The following ANKS1A variants were observed in gnomAD, a reference collection of about 807,000 sequenced individuals.
ANKS1A encodes the protein ankyrin repeat and sterile alpha motif domain containing 1A, also known as ankyrin repeat and SAM domain-containing protein 1A.
In ANKS1A, 55 loss-of-function variants were observed where a neutral mutation model predicts 120.3. That is an observed-to-expected ratio of 0.46 (90% CI 0.37 to 0.57). ANKS1A has a LOEUF of 0.57. Ranked by LOEUF, ANKS1A falls within the 20% of genes least tolerant of loss-of-function variation. ANKS1A has a pLI of 0.00. For missense variants in ANKS1A, 1,123 were observed against 1,480.3 expected, an observed-to-expected ratio of 0.76 and a Z score of 3.96; for synonymous variants, 590 against 604.7, an observed-to-expected ratio of 0.98 and a Z score of 0.36.
chr6:34,930,332 C>T (rs990603645), intron 1 of ANKS1A, among the ~76,000 whole-genome samples: 1 of 152,128 alleles, frequency 6.6e-6, no homozygotes, highest in Non-Finnish European at 1.5e-5. Context: ...GTAGATGAAG[C>T]ACAGAAAGAT....
Position 35,044,211 on chromosome 6 carries a change from C to T in ANKS1A, c.2011-9888C>T, listed in dbSNP as rs1028144640. 6.6e-6 allele frequency among the ~76,000 whole-genome samples: 1 copy of T among 152,166 alleles called. No individual in the cohort carries two copies. Among genetic ancestry groups the T allele is most frequent in the Non-Finnish European group, 1.5e-5 (1 of 68,026 alleles). ...CCTGCCCAGTGTGGACATAGCCGTC[C>T]GCTGGCATCACTTACTGAGGGACAG... is the stretch of plus-strand genomic sequence containing the variant. On this transcript the variant is annotated intron_variant, in intron 11 of 23. Transcript: ENST00000360359. This position sits in a 1 kb window ranked among gnomAD's most constrained non-coding sequence, Gnocchi z 4.4.
chr6:34,988,584 A>T (rs1772338975), intron 8 of ANKS1A, among the ~76,000 whole-genome samples: 1 of 152,240 alleles, frequency 6.6e-6, no homozygotes, highest in Admixed American at 6.5e-5. Flanking sequence ...CGACAGAGTG[A>T]GACTCTGCCT....
At chr6:34,926,329 G>A (rs1268257201) in intron 1 of ANKS1A, among the ~76,000 whole-genome samples, 1 of 152,138 alleles carries the variant, frequency 6.6e-6, no homozygotes, top group Non-Finnish European at 1.5e-5. Context: ...AAATTTTCCT[G>A]TGGTAGCTGA....
Position 34,970,065 on chromosome 6 carries a change from A to G in ANKS1A, c.334A>G (p.Lys112Glu). Residue 112 changes from lysine to glutamate, a missense_variant, in exon 3 of 24, where the codon AAA becomes GAA. Coordinates refer to ENST00000360359, the MANE Select transcript of ANKS1A (RefSeq NM_015245.3). ...TGCGCTGACCAACGTGGCTGACTCA[A>G]AAGGCTGCTACCCTCTGCATTTGGC... ...NDALTNVADS[K>E]GCYPLHLAAW... 1 of 1,614,172 alleles carries G rather than the reference A, an allele frequency of 6.2e-7. No individual in the cohort carries two copies. The highest frequency in any genetic ancestry group is 1.1e-5 in the South Asian group (1 of 91,078).
Position 35,085,679 on chromosome 6 carries a change from G to C in ANKS1A, c.3133-87G>C, listed in dbSNP as rs1433048018. 1.4e-6 allele frequency: 2 copies of C among 1,398,206 alleles called. No individual in the cohort carries two copies. Among genetic ancestry groups the C allele is most frequent in the Non-Finnish European group, 1.9e-6 (2 of 1,042,766 alleles). The allele number at this position is 1,398,206 out of a possible 1,614,324, so 86.6% of individuals were successfully genotyped here. On this transcript the variant is annotated intron_variant, in intron 21 of 23. Coordinates refer to ENST00000360359, the MANE Select transcript of ANKS1A (RefSeq NM_015245.3). This position sits in a 1 kb window ranked among gnomAD's most constrained non-coding sequence, Gnocchi z 4.7. ...AGCGCTCCCGGGTAGACTTAGAGGG[G>C]GACACATGGTCCCTGCGAGGAAGGG...
chr6:34,950,531 G>A (rs1349172906), intron 1 of ANKS1A, among the ~76,000 whole-genome samples: 1 of 152,040 alleles, frequency 6.6e-6, no homozygotes, highest in African/African-American at 2.4e-5. Context: ...GCCCGGCCAG[G>A]AAGACGTTTT....
At chr6:35,066,924 C>T (rs541839235) in intron 13 of ANKS1A, among the ~76,000 whole-genome samples, 5 of 152,266 alleles carry the variant, frequency 3.3e-5, no homozygotes, top group South Asian at 2.1e-4. Context: ...AGCCACTGAG[C>T]GCCTGATTCC....
At chr6:35,042,491 C>G (rs1235865914) in intron 11 of ANKS1A, among the ~76,000 whole-genome samples, 1 of 152,192 alleles carries the variant, frequency 6.6e-6, no homozygotes, top group Non-Finnish European at 1.5e-5. Context: ...GTGCTTAGTA[C>G]CTGGTAGGAG....
In ANKS1A at chr6:35,084,485, G is replaced by GT. The variant is rs1451740342; in HGVS notation, c.3132+229dup. ...TGGCCCAGGGCACTAGGGACAGGAG[G>GT]TTCCAGCTTTTTTTTTTTTTTTTTA... On this transcript the variant is annotated intron_variant, in intron 21 of 23. Transcript: ENST00000360359. The surrounding 1 kb of genome is among the most constrained non-coding windows in gnomAD (Gnocchi z 4.8). Among the ~76,000 whole-genome samples, 3 of 137,954 alleles carry GT rather than the reference G, an allele frequency of 2.2e-5. No individual in the cohort carries two copies. Among genetic ancestry groups the GT allele is most frequent in the Non-Finnish European group, 4.6e-5 (3 of 65,322 alleles). 90.5% of individuals were successfully genotyped at this position (137,954 alleles called of 152,430 possible).
Position 35,089,655 on chromosome 6 carries a change from A to G in ANKS1A, c.*1046A>G, listed in dbSNP as rs866919189. On this transcript the variant is annotated 3_prime_UTR_variant, in exon 24 of 24. Transcript: ENST00000360359. ...AAAAGGCTAAATAAGGTGACAGTGC[A>G]TCGATGCTCCCCCGCGTGGCCTTTG... 7.1e-6 allele frequency: 7 copies of G among 989,080 alleles called. No homozygotes were observed. Among genetic ancestry groups the G allele is most frequent in the Middle Eastern group, 5.1e-4 (1 of 1,948 alleles). The allele number at this position is 989,080 out of a possible 1,614,324, so 61.3% of individuals were successfully genotyped here.
At chr6:34,990,996 T>A (rs13191009) in intron 9 of ANKS1A, among the ~76,000 whole-genome samples, 2 of 151,906 alleles carry the variant, frequency 1.3e-5, no homozygotes, top group African/African-American at 4.8e-5. Flanking sequence ...TGTACTATTA[T>A]GTATATTTTT....
At chr6:35,064,935 C>G (rs1776692890) in intron 13 of ANKS1A, among the ~76,000 whole-genome samples, 1 of 152,232 alleles carries the variant, frequency 6.6e-6, no homozygotes, top group African/African-American at 2.4e-5. Context: ...TCCTCTTAGA[C>G]AAGTGTGGAT....
At chr6:35,097,720 C>T in the ANKS1A span, among the ~76,000 whole-genome samples, 1 of 151,080 alleles carries the variant, frequency 6.6e-6, no homozygotes, top group Non-Finnish European at 1.5e-5. Flanking sequence ...TCAAGTAAAC[C>T]AGACCAGCAA....
At chr6:35,002,829 G>GCC (rs1773242352) in intron 10 of ANKS1A, among the ~76,000 whole-genome samples, 1 of 151,722 alleles carries the variant, frequency 6.6e-6, no homozygotes. Context: ...TGACTTAGTT[G>GCC]CCTAGGACAA....
intron 9 of ANKS1A, among the ~76,000 whole-genome samples, chr6:34,991,733 CAT>C (rs1319853713): frequency 5.8e-5 from 3 of 51,682 alleles, no homozygotes; most frequent in African/African-American, 1.2e-4. Context: ...CATATATACA[CAT>C]ATATATACAT....
intron 1 of ANKS1A, among the ~76,000 whole-genome samples, chr6:34,945,326 C>T (rs2127487657): frequency 6.6e-6 from 1 of 152,326 alleles, no homozygotes; most frequent in South Asian, 2.1e-4. Context: ...AGTCTTCTTG[C>T]CTTGGCTGCC....
chr6:34,930,931 G>A (rs764914527), intron 1 of ANKS1A, among the ~76,000 whole-genome samples: 8 of 149,584 alleles, frequency 5.3e-5, no homozygotes, highest in African/African-American at 1.5e-4. Flanking sequence ...AGGCTGGAGC[G>A]CAATGCAAGA....
intron 10 of ANKS1A, among the ~76,000 whole-genome samples, chr6:35,004,723 TGGCAACATAG>T (rs1773362545): frequency 6.6e-6 from 1 of 152,108 alleles, no homozygotes; most frequent in Admixed American, 6.5e-5. Context: ...AAGACCAACC[TGGCAACATAG>T]TGAGACCCCA....
chr6:34,955,008 C>T (rs1339633223), intron 1 of ANKS1A, among the ~76,000 whole-genome samples: 2 of 152,114 alleles, frequency 1.3e-5, no homozygotes, highest in Non-Finnish European at 2.9e-5. Context: ...GTATTAAATG[C>T]TTATGTTTAT....
Sources: gnomAD v4.1 joint callset for allele counts (sites outside exome capture counted in the v4.1 genomes callset) on GRCh38, gnomAD v4.1.1 for gene constraint, Gnocchi (gnomAD v3.1) non-coding constraint, MANE v1.5 for transcripts, NCBI Gene and HGNC (gene_info 2026-07-23, HGNC 2026-07-21) for gene names.